Variants in PLD5 observed in about 807,000 individuals in gnomAD.
The protein encoded by PLD5 is phospholipase D family member 5.
In PLD5, 36 loss-of-function variants were observed where a neutral mutation model predicts 61.1. The ratio of observed to expected loss-of-function variants is 0.59; its 90% CI spans 0.45 to 0.78. The LOEUF (loss-of-function observed/expected upper bound fraction) is 0.78. PLD5 is among the 30% of genes least tolerant of loss of function. The pLI is 0.00. For missense variants in PLD5, 515 were observed against 644.4 expected, an observed-to-expected ratio of 0.80 and a Z score of 2.17; for synonymous variants, 243 against 242.8, an observed-to-expected ratio of 1.00 and a Z score of -0.01.
chr1:242,326,083 T>C (rs768466788), intron 2 of PLD5, among the ~76,000 whole-genome samples: 11 of 152,058 alleles, frequency 7.2e-5, no homozygotes, highest in Non-Finnish European at 1.2e-4. Context: ...CATTATGTTG[T>C]CCAGGCTGGT....
At chr1:242,273,787 A>T (rs146950507) in intron 3 of PLD5, among the ~76,000 whole-genome samples, 2 of 152,232 alleles carry the variant, frequency 1.3e-5, no homozygotes, top group Non-Finnish European at 2.9e-5. Context: ...ATTTGACACA[A>T]CTAGAGGAGA....
chr1:242,510,309 A>G (rs1332858633), intron 1 of PLD5, among the ~76,000 whole-genome samples: 1 of 152,198 alleles, frequency 6.6e-6, no homozygotes, highest in East Asian at 1.9e-4. Flanking sequence ...GCAGAACATG[A>G]TTCTCCAACA....
chr1:242,092,163 GT>G (rs1188010758), intron 9 of PLD5, among the ~76,000 whole-genome samples: 1 of 152,010 alleles, frequency 6.6e-6, no homozygotes, highest in African/African-American at 2.4e-5. Flanking sequence ...ATCTCTCTCT[GT>G]TGCCCAGGCT....
chr1:242,191,126 GTT>G (rs34902467), intron 5 of PLD5, among the ~76,000 whole-genome samples: 6,581 of 133,070 alleles, frequency 0.049, 475 homozygotes, highest in African/African-American at 0.17. Context: ...AAACTATGGA[GTT>G]TTTTTTTTTT....
intron 1 of PLD5, among the ~76,000 whole-genome samples, chr1:242,444,113 C>T (rs1183821390): frequency 2.0e-5 from 3 of 152,118 alleles, no homozygotes; most frequent in Non-Finnish European, 4.4e-5. Context: ...GTAATTCCTT[C>T]CTATAAGACC....
chr1:242,404,911 A>T (rs1166463343), intron 1 of PLD5, among the ~76,000 whole-genome samples: 3 of 59,510 alleles, frequency 5.0e-5, no homozygotes, highest in Non-Finnish European at 8.7e-5. Flanking sequence ...ATGTAGTCTC[A>T]CTCTGTCAAC....
chr1:242,278,610 G>A (rs1337938947), intron 3 of PLD5, among the ~76,000 whole-genome samples: 1 of 152,150 alleles, frequency 6.6e-6, no homozygotes, highest in African/African-American at 2.4e-5. Context: ...AGGTAATCCT[G>A]CATGAGCCAA....
At chr1:242,222,940 G>A (rs182174244) in intron 4 of PLD5, among the ~76,000 whole-genome samples, 1 of 152,224 alleles carries the variant, frequency 6.6e-6, no homozygotes, top group Non-Finnish European at 1.5e-5. Flanking sequence ...TAAAATTAGG[G>A]ATAAAAGACC....
At chr1:242,288,984 G>A (rs1675192448) in intron 2 of PLD5, among the ~76,000 whole-genome samples, 2 of 152,146 alleles carry the variant, frequency 1.3e-5, no homozygotes, top group South Asian at 2.1e-4. Context: ...GCATACATTG[G>A]AACTCAATAA....
chr1:242,097,107 C>G (rs1354477996), intron 9 of PLD5, among the ~76,000 whole-genome samples: 1 of 152,194 alleles, frequency 6.6e-6, no homozygotes, highest in Non-Finnish European at 1.5e-5. Context: ...GCATAGCATT[C>G]CACGGTGTAT....
In PLD5 at chr1:242,485,560, A is replaced by G. The variant is rs191303082; in HGVS notation, c.189+38528T>C. 6.7e-3 allele frequency among the ~76,000 whole-genome samples: 1,028 copies of G among 152,326 alleles called. 5 individuals carry two copies. Among genetic ancestry groups the G allele is most frequent in the Non-Finnish European group, 0.011 (727 of 68,030 alleles). ...CTACAAACCACTGAACAATGAAATA[A>G]AAGAGGATACAAACAAATGGAAGAA... On this transcript the variant is annotated intron_variant, in intron 1 of 9. Transcript: ENST00000536534.
chr1:242,240,081 A>C (rs1296072397), intron 4 of PLD5, among the ~76,000 whole-genome samples: 1 of 152,228 alleles, frequency 6.6e-6, no homozygotes, highest in Admixed American at 6.5e-5. Flanking sequence ...CAACCTCTTC[A>C]AGACCTCCCG....
At chr1:242,495,217 C>T (rs1312641587) in intron 1 of PLD5, among the ~76,000 whole-genome samples, 1 of 151,978 alleles carries the variant, frequency 6.6e-6, no homozygotes, top group Non-Finnish European at 1.5e-5. Flanking sequence ...CTCCAATCTC[C>T]CCCAACCAGT....
At chr1:242,163,697 T>TGACTA (rs1666074897) in intron 5 of PLD5, among the ~76,000 whole-genome samples, 1 of 152,108 alleles carries the variant, frequency 6.6e-6, no homozygotes, top group South Asian at 2.1e-4. Context: ...TGGGCTGGGT[T>TGACTA]GACTAGGAAT....
At position 242,177,430 on chromosome 1, in the gene PLD5, T is replaced by G. The variant is rs367664569; in HGVS notation, c.735+42558A>C. On this transcript the variant is annotated intron_variant, in intron 5 of 9. Coordinates refer to ENST00000536534, the MANE Select transcript of PLD5 (RefSeq NM_001372062.1). The stretch of plus-strand genomic sequence containing the variant: ...GGGCCTGTTGGGTGGTAGGGGGCTA[T>G]GGGAGGGATAGCATTAGGAGAAATA... Among the ~76,000 whole-genome samples the G allele has an allele frequency of 1.1e-4, 16 of 152,054 alleles. No homozygotes were observed. The Middle Eastern group carries it at 0.01, about 97-fold the overall frequency.
At chr1:242,440,192 T>G (rs1479644333) in intron 1 of PLD5, among the ~76,000 whole-genome samples, 1 of 152,160 alleles carries the variant, frequency 6.6e-6, no homozygotes, top group African/African-American at 2.4e-5. Flanking sequence ...TAAAAGGAAT[T>G]TTAGTTTTTT....
intron 5 of PLD5, among the ~76,000 whole-genome samples, chr1:242,148,736 AAAT>A (rs1165568163): frequency 6.6e-6 from 1 of 151,942 alleles, no homozygotes; most frequent in East Asian, 1.9e-4. Context: ...ATATTATTGT[AAAT>A]AATACTGTCT....
At chr1:242,245,396 G>A (rs145073542) in intron 4 of PLD5, among the ~76,000 whole-genome samples, 8 of 152,248 alleles carry the variant, frequency 5.3e-5, no homozygotes, top group South Asian at 2.1e-4. Context: ...GCTTTGCTTC[G>A]TGCATAATTA....
intron 4 of PLD5, among the ~76,000 whole-genome samples, chr1:242,233,862 G>A (rs1201051898): frequency 2.0e-5 from 3 of 152,070 alleles, no homozygotes; most frequent in Admixed American, 1.3e-4. Context: ...GAAATCAGTC[G>A]TGGCCTCCAA....
Sources: allele counts gnomAD v4.1 joint callset (sites outside exome capture counted in the v4.1 genomes callset), GRCh38; gene constraint gnomAD v4.1.1; transcripts MANE v1.5; gene names NCBI Gene and HGNC (gene_info 2026-07-23, HGNC 2026-07-21).